GRM1: variants seen among roughly 807,000 people sequenced by gnomAD.
GRM1 encodes glutamate metabotropic receptor 1.
A neutral mutation model predicts 90.9 loss-of-function variants in GRM1; 33 were observed. The observed-to-expected ratio is 0.36, with a 90% CI of 0.28 to 0.49. The LOEUF is 0.49. Among genes scored for constraint, GRM1 ranks in the 20% least tolerant of loss-of-function variants. The pLI is 0.99. For synonymous variants in GRM1, 700 were observed against 613.2 expected, an observed-to-expected ratio of 1.14 and a Z score of -2.09; for missense variants, 1,190 against 1,534.3, an observed-to-expected ratio of 0.78 and a Z score of 3.75.
intron 1 of GRM1, among the ~76,000 whole-genome samples, chr6:146,063,376 G>A (rs1175899957): frequency 6.6e-6 from 1 of 152,162 alleles, no homozygotes; most frequent in Non-Finnish European, 1.5e-5. Context: ...ATTAGATTCA[G>A]CATTGAAGAT....
At chr6:146,166,481 A>C (rs1268191234) in intron 2 of GRM1, among the ~76,000 whole-genome samples, 2 of 152,114 alleles carry the variant, frequency 1.3e-5, no homozygotes, top group Non-Finnish European at 2.9e-5. Context: ...CTTGCCTTCA[A>C]GGTTTTTGTC....
intron 1 of GRM1, among the ~76,000 whole-genome samples, chr6:146,030,870 A>G (rs535017405): frequency 6.6e-6 from 1 of 152,224 alleles, no homozygotes; most frequent in African/African-American, 2.4e-5. Flanking sequence ...AAAATCATCC[A>G]GATTCCCTCA....
intron 1 of GRM1, among the ~76,000 whole-genome samples, chr6:146,157,190 A>G (rs1176637506): frequency 1.3e-5 from 2 of 152,184 alleles, no homozygotes; most frequent in East Asian, 1.9e-4. Flanking sequence ...AGAAAATCCA[A>G]CAAACATACT....
chr6:146,370,401 A>G (rs570611411), intron 5 of GRM1, among the ~76,000 whole-genome samples: 23 of 152,154 alleles, frequency 1.5e-4, no homozygotes, highest in African/African-American at 5.1e-4. Context: ...TGCCTGGTGC[A>G]TTGTAGGCAC....
intron 3 of GRM1, among the ~76,000 whole-genome samples, chr6:146,329,136 T>A (rs953645553): frequency 1.3e-5 from 2 of 152,206 alleles, no homozygotes; most frequent in African/African-American, 4.8e-5. Flanking sequence ...GATCATAGAT[T>A]CCTTAAAGAT....
intron 6 of GRM1, among the ~76,000 whole-genome samples, chr6:146,390,363 C>T (rs1776672866): frequency 6.6e-6 from 1 of 151,536 alleles, no homozygotes; most frequent in Admixed American, 6.6e-5. Flanking sequence ...AAAAGTTTCT[C>T]ATATTTTCTT....
chr6:146,347,920 G>C (rs1785241959), intron 3 of GRM1, among the ~76,000 whole-genome samples: 1 of 152,162 alleles, frequency 6.6e-6, no homozygotes, highest in Non-Finnish European at 1.5e-5. Context: ...AGCCCTTGTT[G>C]AGCTTTCACA....
chr6:146,390,798 T>C (rs1320594205), intron 6 of GRM1, among the ~76,000 whole-genome samples: 1 of 152,052 alleles, frequency 6.6e-6, no homozygotes, highest in Non-Finnish European at 1.5e-5. Context: ...AGGAGCTTCA[T>C]ATGAAACTAG....
chr6:146,334,982 T>G (rs1562618017), intron 3 of GRM1, among the ~76,000 whole-genome samples: 1 of 152,182 alleles, frequency 6.6e-6, no homozygotes, highest in East Asian at 1.9e-4. Context: ...CCTTTGAAAT[T>G]TAGCCAAAAT....
At chr6:146,124,270 C>G (rs1776111403) in intron 1 of GRM1, among the ~76,000 whole-genome samples, 1 of 152,174 alleles carries the variant, frequency 6.6e-6, no homozygotes, top group Admixed American at 6.5e-5. Context: ...GACTTCATAG[C>G]ATAACTTAAA....
At chr6:146,349,037 G>C (rs1321794180) in intron 3 of GRM1, among the ~76,000 whole-genome samples, 1 of 134,838 alleles carries the variant, frequency 7.4e-6, no homozygotes, top group Non-Finnish European at 1.6e-5. Flanking sequence ...CAAACAAGAA[G>C]TGGTAGCTAT....
chr6:146,144,453 A>G (rs1583066115), intron 1 of GRM1, among the ~76,000 whole-genome samples: 1 of 152,196 alleles, frequency 6.6e-6, no homozygotes. Context: ...ACCATGTGAT[A>G]CCCTGTGCTG....
chr6:146,364,143 C>T (rs1018912520), intron 5 of GRM1, among the ~76,000 whole-genome samples: 1 of 152,216 alleles, frequency 6.6e-6, no homozygotes, highest in African/African-American at 2.4e-5. Context: ...CAATTGCTCC[C>T]AGTTCAGAGT....
intron 2 of GRM1, among the ~76,000 whole-genome samples, chr6:146,172,006 A>T (rs1245277730): frequency 6.6e-6 from 1 of 151,824 alleles, no homozygotes; most frequent in East Asian, 1.9e-4. Context: ...GTATAAGTTA[A>T]TATGGTCCTA....
intron 1 of GRM1, among the ~76,000 whole-genome samples, chr6:146,090,945 G>T (rs946077539): frequency 6.6e-6 from 1 of 151,958 alleles, no homozygotes; most frequent in Non-Finnish European, 1.5e-5. Flanking sequence ...AAACCAAAAA[G>T]AGCATACAGG....
chr6:146,422,178 A>G (rs1778019741), intron 7 of GRM1, among the ~76,000 whole-genome samples: 1 of 152,190 alleles, frequency 6.6e-6, no homozygotes. Context: ...CTCCGAAAAC[A>G]TGCAACTTCA....
At chr6:146,281,548 T>C (rs901740539) in intron 2 of GRM1, among the ~76,000 whole-genome samples, 1 of 152,216 alleles carries the variant, frequency 6.6e-6, no homozygotes, top group East Asian at 1.9e-4. Context: ...CAATTTGAAA[T>C]AGTTTTAGCA....
intron 6 of GRM1, among the ~76,000 whole-genome samples, chr6:146,395,897 T>C (rs927031477): frequency 2.0e-5 from 3 of 152,090 alleles, no homozygotes; most frequent in Non-Finnish European, 4.4e-5. Flanking sequence ...CATCTTTGAA[T>C]TGGAAAATTT....
chr6:146,342,404 T>A (rs1773435310), intron 3 of GRM1, among the ~76,000 whole-genome samples: 1 of 152,248 alleles, frequency 6.6e-6, no homozygotes, highest in African/African-American at 2.4e-5. Flanking sequence ...GTTAATATTG[T>A]GACAAATATC....
Sources: allele counts gnomAD v4.1 joint callset (sites outside exome capture counted in the v4.1 genomes callset), GRCh38; gene constraint gnomAD v4.1.1; transcripts MANE v1.5; gene names NCBI Gene and HGNC (gene_info 2026-07-23, HGNC 2026-07-21).